Variants in GADL1 observed in about 807,000 individuals in gnomAD.
GADL1 encodes the protein GAD like acidic amino acid decarboxylase 1.
GADL1 carries 71 observed loss-of-function variants against 69.5 expected under a neutral mutation model. The observed-to-expected ratio is 1.02, with a 90% CI of 0.84 to 1.25. The LOEUF (loss-of-function observed/expected upper bound fraction) is 1.25, where lower values mean the gene tolerates loss of function less well. Ranked by LOEUF, GADL1 falls within the 50% of genes most tolerant of loss-of-function variation. The pLI, the probability that GADL1 is intolerant of heterozygous loss-of-function variation, is 0.00. For synonymous variants in GADL1, 254 were observed against 214.4 expected (o/e 1.18, Z -1.62); for missense variants, 737 against 631.8 (o/e 1.17, Z -1.79).
At chr3:30,846,472 T>C (rs1299080302) in intron 6 of GADL1, among the ~76,000 whole-genome samples, 1 of 152,138 alleles carries the variant, frequency 6.6e-6, no homozygotes, top group Non-Finnish European at 1.5e-5. Flanking sequence ...TGCTTTCTCC[T>C]CAATGTACAC....
chr3:30,800,806 GAC>G (rs35529398), intron 12 of GADL1, 81 bp downstream of exon 12: 63,509 of 716,858 alleles, frequency 0.089, 971 homozygotes, highest in Admixed American at 0.13. Context: ...GACACAGATA[GAC>G]ACACACACAC....
At chr3:30,833,443 G>A (rs536078094) in intron 11 of GADL1, among the ~76,000 whole-genome samples, 15 of 152,138 alleles carry the variant, frequency 9.9e-5, no homozygotes, top group African/African-American at 2.2e-4. Flanking sequence ...CTAGCTAAGC[G>A]TATTAAGTAT....
chr3:30,797,473 A>G (rs1697061291), intron 12 of GADL1, among the ~76,000 whole-genome samples: 1 of 152,182 alleles, frequency 6.6e-6, no homozygotes, highest in Non-Finnish European at 1.5e-5. Context: ...AGTGTTCTAC[A>G]TGTATCAATT....
At position 30,801,066 on chromosome 3, in the gene GADL1, G is replaced by C. The variant is rs73061102; in HGVS notation, c.1073C>G (p.Ser358Cys). 1,950 of 1,613,132 alleles carry C rather than the reference G, an allele frequency of 1.2e-3. 3 individuals are homozygous for C. Among genetic ancestry groups the C allele is most frequent in the Non-Finnish European group, 1.5e-3 (1,807 of 1,179,542 alleles). The change falls in exon 12 of 15, where the codon TCT (serine) becomes TGT (cysteine). Residue 358 changes from serine to cysteine, a missense_variant. By Grantham distance (112) the Ser-to-Cys change is moderately radical. Transcript: ENST00000282538. The stretch of plus-strand genomic sequence containing the variant: ...CTGGAAGAGGTAAGATGCCTTGGCA[G>C]AGTAGCATTTTTTAAGAAGATCCTT... ...DKSDLLKKCY[S>C]AKASYLFQQD...
chr3:30,859,007 C>A (rs777325068), intron 2 of GADL1, among the ~76,000 whole-genome samples: 1 of 151,852 alleles, frequency 6.6e-6, no homozygotes, highest in South Asian at 2.1e-4. Flanking sequence ...GCTAAGAAGC[C>A]GAATTAGATA....
chr3:30,730,854 C>CT (rs1377002490), intron 14 of GADL1, among the ~76,000 whole-genome samples: 2 of 151,262 alleles, frequency 1.3e-5, no homozygotes, highest in African/African-American at 4.9e-5. Context: ...CGTGCATAAG[C>CT]ATGTGTGTGT....
chr3:30,770,109 T>C (rs1160137986), intron 14 of GADL1, among the ~76,000 whole-genome samples: 2 of 152,166 alleles, frequency 1.3e-5, no homozygotes, highest in Non-Finnish European at 2.9e-5. Context: ...GTTGTTCCCT[T>C]TAGCTGGGAC....
At chr3:30,772,571 T>C (rs1007074728) in intron 14 of GADL1, among the ~76,000 whole-genome samples, 2 of 152,150 alleles carry the variant, frequency 1.3e-5, no homozygotes, top group African/African-American at 4.8e-5. Context: ...TTCAGGAAGT[T>C]ACTTTAGAAA....
At position 30,801,041 on chromosome 3, in the gene GADL1, C is replaced by A. The variant is rs1417080721; in HGVS notation, c.1098G>T (p.Gln366His). 2 of 1,613,946 alleles carry A rather than the reference C, an allele frequency of 1.2e-6. No homozygotes were observed. Among genetic ancestry groups the A allele is most frequent in the Admixed American group, 1.7e-5 (1 of 60,016 alleles). The change falls in exon 12 of 15, where the codon CAG becomes CAT. Residue 366 changes from glutamine to histidine, a missense_variant. Transcript: ENST00000282538. ...CYSAKASYLF[Q>H]QDKFYDVSYD... ...AGCTCACATCATAGAATTTATCCTG[C>A]TGGAAGAGGTAAGATGCCTTGGCAG...
At chr3:30,863,174 C>A (rs2125537651) in intron 1 of GADL1, among the ~76,000 whole-genome samples, 1 of 152,000 alleles carries the variant, frequency 6.6e-6, no homozygotes, top group African/African-American at 2.4e-5. Context: ...TGTCACTAAT[C>A]TTAATTGTAT....
chr3:30,769,311 A>G (rs1304527520), intron 14 of GADL1, among the ~76,000 whole-genome samples: 1 of 152,004 alleles, frequency 6.6e-6, no homozygotes, highest in Non-Finnish European at 1.5e-5. Flanking sequence ...ATGTCTTGGT[A>G]CATGGTGACA....
At chr3:30,808,992 G>A (rs557688523) in intron 11 of GADL1, among the ~76,000 whole-genome samples, 36 of 152,270 alleles carry the variant, frequency 2.4e-4, no homozygotes, top group African/African-American at 8.7e-4. Context: ...AACGGTGGTG[G>A]AGAGTGTGCT....
intron 9 of GADL1, among the ~76,000 whole-genome samples, chr3:30,834,901 G>C (rs958391552): frequency 6.6e-6 from 1 of 152,036 alleles, no homozygotes. Context: ...ATAGTCAACA[G>C]GTCTGGAGCA....
intron 1 of GADL1, among the ~76,000 whole-genome samples, chr3:30,867,233 A>G (rs550450481): frequency 5.9e-5 from 9 of 152,042 alleles, no homozygotes; most frequent in South Asian, 4.2e-4. Flanking sequence ...TCCCATTTAT[A>G]TTAATAATAC....
chr3:30,805,665 C>T (rs537507102), intron 11 of GADL1, among the ~76,000 whole-genome samples: 7 of 147,768 alleles, frequency 4.7e-5, no homozygotes, highest in East Asian at 4.3e-4. Context: ...TCAGAATCTG[C>T]GGTCTCTTTT....
At chr3:30,846,594 A>G (rs1261810377) in intron 6 of GADL1, among the ~76,000 whole-genome samples, 2 of 152,126 alleles carry the variant, frequency 1.3e-5, no homozygotes. Context: ...GTGCTGACTA[A>G]TTTGATTCTC....
At chr3:30,749,666 GT>G (rs999974421) in intron 14 of GADL1, among the ~76,000 whole-genome samples, 5 of 152,256 alleles carry the variant, frequency 3.3e-5, no homozygotes, top group Admixed American at 6.5e-5. Flanking sequence ...GAGAAGGAAG[GT>G]TTTTACCTAG....
At chr3:30,741,611 T>G (rs1695627392) in intron 14 of GADL1, among the ~76,000 whole-genome samples, 2 of 152,132 alleles carry the variant, frequency 1.3e-5, no homozygotes, top group African/African-American at 2.4e-5. Flanking sequence ...CAACTTAGTC[T>G]CCTAGAGGAC....
At chr3:30,862,406 A>C (rs1210784190) in intron 1 of GADL1, among the ~76,000 whole-genome samples, 1 of 151,994 alleles carries the variant, frequency 6.6e-6, no homozygotes, top group African/African-American at 2.4e-5. Context: ...TAAATAATAC[A>C]ATATCATACA....
Sources: gnomAD v4.1 joint callset for allele counts (sites outside exome capture counted in the v4.1 genomes callset) on GRCh38, gnomAD v4.1.1 for gene constraint, MANE v1.5 for transcripts, NCBI Gene and HGNC (gene_info 2026-07-23, HGNC 2026-07-21) for gene names.